FAM149A: variants seen among roughly 807,000 people sequenced by gnomAD.
FAM149A encodes protein FAM149A.
Under a neutral mutation model 78.2 loss-of-function variants are expected in FAM149A, and 71 were observed. The observed-to-expected ratio is 0.91, with a 90% CI of 0.75 to 1.11. The LOEUF is 1.11. Among genes scored for constraint, FAM149A ranks in the 50% least tolerant of loss-of-function variants. The pLI is 0.00. For synonymous variants in FAM149A, 446 were observed against 410.5 expected, an observed-to-expected ratio of 1.09 and a Z score of -1.04; for missense variants, 1,036 against 971.0, an observed-to-expected ratio of 1.07 and a Z score of -0.89.
At chr4:186,171,864 G>GT in intron 13 of FAM149A, 50 bp from the exon 14 acceptor site, 1 of 1,513,142 alleles carries the variant, frequency 6.6e-7, no homozygotes, top group Non-Finnish European at 9.0e-7. Flanking sequence ...TTCTGAGTGG[G>GT]TGCCTTTGTA....
chr4:186,160,813 T>C, intron 8 of FAM149A: 2 of 983,776 alleles, frequency 2.0e-6, no homozygotes, highest in Non-Finnish European at 2.4e-6. Context: ...TCTCCCCACA[T>C]GGGAGACAGT....
At chr4:186,119,017 A>G in intron 1 of FAM149A, among the ~76,000 whole-genome samples, 1 of 152,226 alleles carries the variant, frequency 6.6e-6, no homozygotes, top group Non-Finnish European at 1.5e-5. Context: ...GCTAGGGAAA[A>G]AAATATCAGT....
At chr4:186,155,265 C>T (rs531214516) in intron 6 of FAM149A, among the ~76,000 whole-genome samples, 32 of 152,214 alleles carry the variant, frequency 2.1e-4, no homozygotes, top group Non-Finnish European at 4.6e-4. Flanking sequence ...TGTGCCCAGC[C>T]TTGTATTTTG....
At chr4:186,117,501 T>C (rs1020271480) in intron 1 of FAM149A, 2 of 984,842 alleles carry the variant, frequency 2.0e-6, no homozygotes, top group Admixed American at 1.2e-4. Flanking sequence ...ATGTCAGGGG[T>C]CTGAGTTCTA....
At chr4:186,125,645 C>T (rs1157312894) in intron 1 of FAM149A, 12 of 923,216 alleles carry the variant, frequency 1.3e-5, no homozygotes, top group South Asian at 5.0e-5. Context: ...TGAGATCATT[C>T]CCATAAGGCA....
chr4:186,167,489 T>G, intron 13 of FAM149A: 1 of 510,292 alleles, frequency 2.0e-6, no homozygotes. Context: ...CCAAAAGCTC[T>G]CAATGAACTG....
At chr4:186,166,083 G>T (rs776585829) in intron 11 of FAM149A, among the ~76,000 whole-genome samples, 1 of 151,820 alleles carries the variant, frequency 6.6e-6, no homozygotes, top group African/African-American at 2.4e-5. Flanking sequence ...TCAGGTCTGC[G>T]GGGGGTGTGC....
At chr4:186,130,293 C>CTCTCTCTA in intron 1 of FAM149A, 99 of 46,562 alleles carry the variant, frequency 2.1e-3, no homozygotes, top group African/African-American at 6.3e-3. Flanking sequence ...CTCTCTCTCT[C>CTCTCTCTA]TATATATATA....
At chr4:186,126,683 C>T (rs2099318459) in intron 1 of FAM149A, among the ~76,000 whole-genome samples, 2 of 152,040 alleles carry the variant, frequency 1.3e-5, no homozygotes, top group Non-Finnish European at 1.5e-5. Context: ...ACCCCATTGA[C>T]CCCCCTGGTT....
In FAM149A at chr4:186,160,145, T is replaced by TAC. The variant is rs891721289; in HGVS notation, c.1575+2433_1575+2434dup. Among the ~76,000 whole-genome samples the TAC allele has an allele frequency of 9.3e-3, 820 of 88,108 alleles. 18 individuals are homozygous for TAC. Among genetic ancestry groups the TAC allele is most frequent in the Middle Eastern group, 0.037 (3 of 82 alleles). 57.8% of individuals were successfully genotyped at this position (88,108 alleles called of 152,430 possible). A position where few individuals can be genotyped will look rare whatever the true frequency, so the allele number is the denominator to read the frequency against. On this transcript the variant is annotated intron_variant, in intron 8 of 13. Transcript: ENST00000389354. ...CACCACACACCAAACACATACCACA[T>TAC]ACACACACTACACGCACACACACCA...
chr4:186,136,777 T>C lies in FAM149A; in HGVS notation c.567-12396T>C, dbSNP rs560399332. ...GCTGTGGGAGTGTGCCCTGCAGGGCTGCAGGTGGGGTGCTCAACAAGCCAG... is the reference window on the plus strand; with the variant it reads ...GCTGTGGGAGTGTGCCCTGCAGGGCCGCAGGTGGGGTGCTCAACAAGCCAG... On this transcript the variant is annotated intron_variant, in intron 1 of 13. Transcript: ENST00000389354. Among the ~76,000 whole-genome samples, 7 of 152,310 alleles carry C rather than the reference T, an allele frequency of 4.6e-5. 2 individuals carry two copies. Among genetic ancestry groups the C allele is most frequent in the African/African-American group, 1.7e-4 (7 of 41,570 alleles).
chr4:186,156,231 C>T, intron 7 of FAM149A, 41 bp downstream of exon 7: 9 of 1,561,856 alleles, frequency 5.8e-6, no homozygotes, highest in Non-Finnish European at 7.9e-6. Context: ...AAGAAAAAGT[C>T]CCTGTTCTTC....
rs1236108127 is a variant in FAM149A, at chr4:186,154,832, G to A, written c.1229+194G>A. On this transcript the variant is annotated intron_variant, in intron 6 of 13. Transcript: ENST00000389354. ...GGTGCACGTGCGGGAGCAGCGAAGA[G>A]GGTGTTCAGTGCCCTTGTAAAAGCA... 3 of 985,274 alleles carry A rather than the reference G, an allele frequency of 3.0e-6. No individual in the cohort carries two copies. The African/African-American group carries it at 5.2e-5, about 17-fold the overall frequency. 61.0% of individuals were successfully genotyped at this position (985,274 alleles called of 1,614,324 possible). A position where few individuals can be genotyped will look rare whatever the true frequency, so the allele number is the denominator to read the frequency against.
Position 186,153,715 on chromosome 4 carries a change from T to G in FAM149A, c.1003T>G (p.Ser335Ala). Residue 335 changes from serine (S) to alanine (A), a missense_variant, in exon 5 of 14, where the codon TCC becomes GCC. By Grantham distance (99) the Ser-to-Ala change is moderately conservative (BLOSUM62 1). This residue lies in a region of FAM149A where 716 missense variants were observed against 711.8 expected (regional missense o/e 1.01). Transcript: ENST00000389354. ...GCATTTCCAGGGCAGCACTCCTGCC[T>G]CCGCAGTCCACAGACCCCCGCTCAG... 2 of 1,614,052 alleles carry G rather than the reference T, an allele frequency of 1.2e-6. No individual in the cohort carries two copies. Among genetic ancestry groups the G allele is most frequent in the Non-Finnish European group, 1.7e-6 (2 of 1,179,934 alleles).
At chr4:186,137,726 A>G (rs2099324081) in intron 1 of FAM149A, among the ~76,000 whole-genome samples, 1 of 152,104 alleles carries the variant, frequency 6.6e-6, no homozygotes, top group African/African-American at 2.4e-5. Flanking sequence ...TACACAGGCT[A>G]TTCCTAGAAC....
At position 186,158,198 on chromosome 4, in the gene FAM149A, C is replaced by T. The variant is rs183385996; in HGVS notation, c.1575+479C>T. The T allele has an allele frequency of 1.0e-4, 128 of 1,280,030 alleles. No individual in the cohort carries two copies. The Middle Eastern group carries it at 1.3e-3, about 13-fold the overall frequency. 79.3% of individuals were successfully genotyped at this position (1,280,030 alleles called of 1,614,324 possible). A position where few individuals can be genotyped will look rare whatever the true frequency, so the allele number is the denominator to read the frequency against. ...CACCAGAGCCACTCCAGCTGCTGGC[C>T]GCTTCTCTCCTGGAACCTTCACTCG... On this transcript the variant is annotated intron_variant, in intron 8 of 13. Coordinates refer to ENST00000389354, the MANE Select transcript of FAM149A (RefSeq NM_001367768.3).
rs1413474511 is a variant in FAM149A at position 186,105,027 on chromosome 4, C to T, written c.-50C>T. 2.4e-6 allele frequency: 3 copies of T among 1,257,052 alleles called. No homozygotes were observed. The highest frequency in any genetic ancestry group is 2.5e-5 in the Admixed American group (1 of 40,700). The allele number at this position is 1,257,052 out of a possible 1,614,324, so 77.9% of individuals were successfully genotyped here. A position where few individuals can be genotyped will look rare whatever the true frequency, so the allele number is the denominator to read the frequency against. ...CCGGGCCGCCTCGGCCGGATCTCCGCGGTCTGAACTCTCGGGCGGCGGCGA... is the reference window on the plus strand; with the variant it reads ...CCGGGCCGCCTCGGCCGGATCTCCGTGGTCTGAACTCTCGGGCGGCGGCGA... On this transcript the variant is annotated 5_prime_UTR_variant, in exon 1 of 14. Transcript: ENST00000389354.
At chr4:186,154,784 G>C in intron 6 of FAM149A, 146 bp downstream of exon 6, 2 of 1,413,030 alleles carry the variant, frequency 1.4e-6, no homozygotes, top group South Asian at 3.2e-5. Context: ...GTACTCCCCA[G>C]AGCTTTTGGA....
At chr4:186,149,535 G>A in intron 2 of FAM149A, 31 bp from the exon 3 acceptor site, 1 of 1,289,664 alleles carries the variant, frequency 7.8e-7, no homozygotes, top group Non-Finnish European at 1.0e-6. Context: ...TCCAGCAAAT[G>A]TGATTTCTTT....
Sources: allele counts gnomAD v4.1 joint callset (sites outside exome capture counted in the v4.1 genomes callset), GRCh38; gene constraint gnomAD v4.1.1; regional missense constraint gnomAD v4.1.1; transcripts MANE v1.5; gene names NCBI Gene and HGNC (gene_info 2026-07-23, HGNC 2026-07-21).